Variants in ARID5A observed in about 807,000 individuals in gnomAD.
ARID5A encodes AT-rich interactive domain-containing protein 5A.
ARID5A carries 14 observed loss-of-function variants against 30.5 expected under a neutral mutation model. That is an observed-to-expected ratio of 0.46 (90% CI 0.30 to 0.72). The LOEUF is 0.72. Among genes scored for constraint, ARID5A ranks in the 30% least tolerant of loss-of-function variants. The pLI is 0.07. For missense variants in ARID5A, 669 were observed against 786.2 expected (o/e 0.85, Z 1.78); for synonymous variants, 338 against 340.4 (o/e 0.99, Z 0.08).
chr2:96,543,248 C>T (rs892895342), intron 1 of ARID5A, among the ~76,000 whole-genome samples: 1 of 152,182 alleles, frequency 6.6e-6, no homozygotes, highest in East Asian at 1.9e-4. Flanking sequence ...AGCAACTTAC[C>T]CATAACCATT....
chr2:96,542,644 G>A (rs1330747655), intron 1 of ARID5A, among the ~76,000 whole-genome samples: 1 of 152,184 alleles, frequency 6.6e-6, no homozygotes, highest in African/African-American at 2.4e-5. Context: ...TGGGGCCGGA[G>A]CATTATGCTC....
intron 2 of ARID5A, among the ~76,000 whole-genome samples, chr2:96,548,914 G>A (rs963823166): frequency 2.6e-5 from 4 of 152,214 alleles, no homozygotes; most frequent in African/African-American, 9.7e-5. Context: ...TTCCCTCTGC[G>A]GTTATGGGGG....
Position 96,551,472 on chromosome 2 carries a change from A to G in ARID5A, c.944A>G (p.Gln315Arg). 1 of 1,589,476 alleles carries G rather than the reference A, an allele frequency of 6.3e-7. No individual in the cohort carries two copies. The highest frequency in any genetic ancestry group is 8.6e-7 in the Non-Finnish European group (1 of 1,168,106). ...TENSRHRLTP[Q>R]EGLQAPGGSL... ...AACTCCAGGCACCGGCTGACCCCTCAGGAGGGATTGCAGGCCCCAGGTGGC... is the reference window on the plus strand; with the variant it reads ...AACTCCAGGCACCGGCTGACCCCTCGGGAGGGATTGCAGGCCCCAGGTGGC... The change falls in exon 7 of 7, where the codon CAG (glutamine) becomes CGG (arginine). Residue 315 changes from glutamine (Q) to arginine (R), a missense_variant. Physicochemically the swap from Gln to Arg is conservative, Grantham distance 43 (BLOSUM62 1). Transcript: ENST00000357485.
In ARID5A at chr2:96,552,111, C is replaced by T; in HGVS notation, c.1583C>T (p.Pro528Leu). 6.2e-7 allele frequency: 1 copy of T among 1,608,492 alleles called. No individual in the cohort carries two copies. Among genetic ancestry groups the T allele is most frequent in the Non-Finnish European group, 8.5e-7 (1 of 1,177,488 alleles). The change falls in exon 7 of 7, where the codon CCC (proline) becomes CTC (leucine). Residue 528 changes from proline (P) to leucine (L), a missense_variant. Physicochemically the swap from Pro to Leu is moderately conservative, Grantham distance 98. Around this residue, in one of 4 missense-constraint regions of ARID5A, gnomAD observed 548 missense variants for 577.4 expected, o/e 0.95. Transcript: ENST00000357485. ...LKGQAALPFS[P>L]LVIPAFPAHF... Reference sequence around the variant, plus strand: ...GGCCAGGCTGCACTCCCCTTCAGCCCCCTGGTCATCCCGGCCTTCCCGGCC... The same window carrying T: ...GGCCAGGCTGCACTCCCCTTCAGCCTCCTGGTCATCCCGGCCTTCCCGGCC...
In ARID5A at chr2:96,552,103, C is replaced by T; in HGVS notation, c.1575C>T (p.Pro525=). Residue 525 remains proline (P), a synonymous_variant, in exon 7 of 7, where the codon CCC becomes CCT. Coordinates refer to ENST00000357485, the MANE Select transcript of ARID5A (RefSeq NM_212481.3). ...CCTTGAAGGGCCAGGCTGCACTCCC[C>T]TTCAGCCCCCTGGTCATCCCGGCCT... is the stretch of plus-strand genomic sequence containing the variant. ...PGPLKGQAAL[P]FSPLVIPAFP... 6.2e-7 allele frequency: 1 copy of T among 1,605,660 alleles called. No homozygotes were observed. Among genetic ancestry groups the T allele is most frequent in the South Asian group, 1.1e-5 (1 of 89,876 alleles).
chr2:96,547,169 A>G (rs2065943458), intron 1 of ARID5A, among the ~76,000 whole-genome samples: 2 of 150,026 alleles, frequency 1.3e-5, no homozygotes, highest in Admixed American at 1.3e-4. Flanking sequence ...TTTTTTTTTA[A>G]TAATAGAGAC....
Position 96,550,494 on chromosome 2 carries a change from G to C in ARID5A, c.411-80G>C. The stretch of plus-strand genomic sequence containing the variant: ...GGCCTTCCTCGGCGCCGGCGGGGAA[G>C]GGGGCTCAGAGGAGGCTACAGAGGC... On this transcript the variant is annotated intron_variant, in intron 5 of 6. Transcript: ENST00000357485. The surrounding 1 kb of genome is among the most constrained non-coding windows in gnomAD (Gnocchi z 6.6). 3 of 1,486,116 alleles carry C rather than the reference G, an allele frequency of 2.0e-6. No homozygotes were observed. Among genetic ancestry groups the C allele is most frequent in the African/African-American group, 2.8e-5 (2 of 70,930 alleles). 92.1% of individuals were successfully genotyped at this position (1,486,116 alleles called of 1,614,324 possible). A position where few individuals can be genotyped will look rare whatever the true frequency, so the allele number is the denominator to read the frequency against.
Position 96,536,978 on chromosome 2 carries a change from G to A in ARID5A, c.4+148G>A, listed in dbSNP as rs970802050. 20 of 1,060,862 alleles carry A rather than the reference G, an allele frequency of 1.9e-5. No homozygotes were observed. In the Admixed American group the frequency reaches 5.2e-4, roughly 28 times the overall value. 65.7% of individuals were successfully genotyped at this position (1,060,862 alleles called of 1,614,324 possible). On this transcript the variant is annotated intron_variant, in intron 1 of 6. Coordinates refer to ENST00000357485, the MANE Select transcript of ARID5A (RefSeq NM_212481.3). ...GGCCCGGGGTGGGTTTCGGGGCGCG[G>A]GCCAAGGGGAGCGAGCCCGGCCCGC...
intron 1 of ARID5A, among the ~76,000 whole-genome samples, chr2:96,546,875 A>T (rs2065938006): frequency 6.6e-6 from 1 of 152,202 alleles, no homozygotes; most frequent in Non-Finnish European, 1.5e-5. Flanking sequence ...CTCCAGTGAG[A>T]CTAAGCTGCT....
rs1044926780 is a variant in ARID5A, at chr2:96,539,240, A to G, written c.4+2410A>G. 2.0e-5 allele frequency among the ~76,000 whole-genome samples: 3 copies of G among 152,196 alleles called. No individual in the cohort carries two copies. Among genetic ancestry groups the G allele is most frequent in the Admixed American group, 6.5e-5 (1 of 15,284 alleles). ...AAGGGAGATACAGAACCAGTGACCA[A>G]CTTGGTAAGAGGTGCAGCCATGCAG... On this transcript the variant is annotated intron_variant, in intron 1 of 6. Coordinates refer to ENST00000357485, the MANE Select transcript of ARID5A (RefSeq NM_212481.3). The surrounding 1 kb of genome is among the most constrained non-coding windows in gnomAD (Gnocchi z 4.7).
chr2:96,544,795 G>A (rs1193879113), intron 1 of ARID5A, among the ~76,000 whole-genome samples: 2 of 152,216 alleles, frequency 1.3e-5, no homozygotes, highest in African/African-American at 4.8e-5. Context: ...TTGTAAGACT[G>A]TAGCTGCCAT....
In ARID5A at chr2:96,547,431, T is replaced by C. The variant is rs2065948043; in HGVS notation, c.34T>C (p.Ser12Pro). ...CCCTGTCAAAGGGAACAGGAAGCAG[T>C]CCACGGAGGGTGACGCCCTAGACCC... Reference protein sequence around the residue: ...AAPVKGNRKQSTEGDALDPPA... With the variant: ...AAPVKGNRKQPTEGDALDPPA... The change falls in exon 2 of 7, where the codon TCC becomes CCC. Residue 12 changes from serine to proline, a missense_variant. Around this residue, in one of 4 missense-constraint regions of ARID5A, gnomAD observed 56 missense variants for 72.8 expected, o/e 0.77. Transcript: ENST00000357485. The C allele has an allele frequency of 6.2e-7, 1 of 1,613,904 alleles. No individual in the cohort carries two copies. The highest frequency in any genetic ancestry group is 2.2e-5 in the East Asian group (1 of 44,856).
Position 96,548,202 on chromosome 2 carries a change from C to G in ARID5A, c.120+685C>G, listed in dbSNP as rs541831410. ...AGAGGTCTTTAATACCTTAAAAACA[C>G]TGAGCTATTACAGAAGCTATTTACA... On this transcript the variant is annotated intron_variant, in intron 2 of 6. Coordinates refer to ENST00000357485, the MANE Select transcript of ARID5A (RefSeq NM_212481.3). 9.2e-5 allele frequency among the ~76,000 whole-genome samples: 14 copies of G among 152,272 alleles called. No individual in the cohort carries two copies. In the South Asian group the frequency reaches 2.9e-3, roughly 32 times the overall value.
Position 96,549,404 on chromosome 2 carries a change from C to T in ARID5A, c.204C>T (p.Phe68=). The T allele has an allele frequency of 6.2e-7, 1 of 1,613,982 alleles. No homozygotes were observed. The highest frequency in any genetic ancestry group is 8.5e-7 in the Non-Finnish European group (1 of 1,179,978). The change falls in exon 3 of 7, where the codon TTC becomes TTT. Residue 68 remains phenylalanine (F), a synonymous_variant. Transcript: ENST00000357485. This position sits in a 1 kb window ranked among gnomAD's most constrained non-coding sequence, Gnocchi z 6.1. ...EQAFLVSLYK[F]MKERHTPIER... The stretch of plus-strand genomic sequence containing the variant: ...CCTTCCTGGTCAGCCTCTACAAGTT[C>T]ATGAAGGAGCGACACACGCCCATCG...
chr2:96,541,635 A>G (rs917858420), intron 1 of ARID5A, among the ~76,000 whole-genome samples: 9 of 152,224 alleles, frequency 5.9e-5, no homozygotes, highest in African/African-American at 2.2e-4. Flanking sequence ...TTCATCCTGT[A>G]TACTGGAATA....
Position 96,552,187 on chromosome 2 carries a change from C to A in ARID5A, c.1659C>A (p.His553Gln). 6.2e-7 allele frequency: 1 copy of A among 1,613,502 alleles called. No individual in the cohort carries two copies. Among genetic ancestry groups the A allele is most frequent in the South Asian group, 1.1e-5 (1 of 91,060 alleles). The change falls in exon 7 of 7, where the codon CAC becomes CAA. Residue 553 changes from histidine to glutamine, a missense_variant. Around this residue, in one of 4 missense-constraint regions of ARID5A, gnomAD observed 548 missense variants for 577.4 expected, o/e 0.95. Coordinates refer to ENST00000357485, the MANE Select transcript of ARID5A (RefSeq NM_212481.3). ...GPSPMAAGLMHFPPTSFDSAL... is the reference protein window; with the variant it reads ...GPSPMAAGLMQFPPTSFDSAL... ...CGCCCATGGCCGCTGGCCTGATGCA[C>A]TTCCCCCCAACGTCCTTCGACAGTG... is the stretch of plus-strand genomic sequence containing the variant.
chr2:96,545,532 A>G (rs968486094), intron 1 of ARID5A, among the ~76,000 whole-genome samples: 2 of 152,208 alleles, frequency 1.3e-5, no homozygotes, highest in African/African-American at 4.8e-5. Flanking sequence ...AGGATTTAGA[A>G]TGTTACAGAA....
chr2:96,547,523 T>A lies in ARID5A; in HGVS notation c.120+6T>A, dbSNP rs2065949962. 1.2e-6 allele frequency: 2 copies of A among 1,612,648 alleles called. No individual in the cohort carries two copies. Among genetic ancestry groups the A allele is most frequent in the Non-Finnish European group, 1.7e-6 (2 of 1,179,344 alleles). ...AGAACCCCATCTCGCTGGAGGTGAG[T>A]TGACTCCCTCTGCTGACTCCCTGGG... On this transcript the variant is annotated splice_donor_region_variant and intron_variant, in intron 2 of 6. Coordinates refer to ENST00000357485, the MANE Select transcript of ARID5A (RefSeq NM_212481.3).
At chr2:96,545,438 G>A (rs898860509) in intron 1 of ARID5A, among the ~76,000 whole-genome samples, 2 of 152,024 alleles carry the variant, frequency 1.3e-5, no homozygotes, top group Non-Finnish European at 2.9e-5. Flanking sequence ...TTACAGGCGT[G>A]AGCCACCGCG....
Sources: gnomAD v4.1 joint callset for allele counts (sites outside exome capture counted in the v4.1 genomes callset) on GRCh38, gnomAD v4.1.1 for gene constraint, gnomAD v4.1.1 regional missense constraint, Gnocchi (gnomAD v3.1) non-coding constraint, MANE v1.5 for transcripts, NCBI Gene and HGNC (gene_info 2026-07-23, HGNC 2026-07-21) for gene names.